AHCYL2: variants seen among roughly 807,000 people sequenced by gnomAD.
The protein encoded by AHCYL2 is S-adenosylhomocysteine hydrolase-like protein 2.
AHCYL2 carries 28 observed loss-of-function variants against 81.4 expected under a neutral mutation model. The observed-to-expected ratio is 0.34, with a 90% CI of 0.25 to 0.47. The LOEUF (loss-of-function observed/expected upper bound fraction) is 0.47. Ranked by LOEUF, AHCYL2 falls within the 20% of genes least tolerant of loss-of-function variation. The pLI is 1.00. For missense variants in AHCYL2, 551 were observed against 785.1 expected, an observed-to-expected ratio of 0.70 and a Z score of 3.56; for synonymous variants, 272 against 290.2, an observed-to-expected ratio of 0.94 and a Z score of 0.64.
intron 1 of AHCYL2, among the ~76,000 whole-genome samples, chr7:129,282,776 T>A (rs1469733325): frequency 6.6e-6 from 1 of 152,182 alleles, no homozygotes. Context: ...TGGATTTTTT[T>A]TTTATTTGTT....
At chr7:129,324,401 G>C (rs1798145563) in intron 1 of AHCYL2, among the ~76,000 whole-genome samples, 1 of 151,968 alleles carries the variant, frequency 6.6e-6, no homozygotes, top group Admixed American at 6.6e-5. Context: ...CTGCCATCTT[G>C]CTGTTTGTTT....
At chr7:129,411,988 A>G (rs995111759) in intron 11 of AHCYL2, among the ~76,000 whole-genome samples, 4 of 152,156 alleles carry the variant, frequency 2.6e-5, no homozygotes, top group African/African-American at 9.7e-5. Flanking sequence ...TTATGTGGAC[A>G]TATTTTTTCA....
At chr7:129,413,753 T>G in intron 12 of AHCYL2, 65 bp downstream of exon 12, 1 of 1,370,134 alleles carries the variant, frequency 7.3e-7, no homozygotes, top group Non-Finnish European at 1.0e-6. Flanking sequence ...AACTGGAAAA[T>G]GAGAGAGCAG....
intron 1 of AHCYL2, among the ~76,000 whole-genome samples, chr7:129,297,923 G>A (rs923839962): frequency 6.6e-6 from 1 of 152,290 alleles, no homozygotes; most frequent in South Asian, 2.1e-4. Flanking sequence ...CAGCTACTCA[G>A]GAGTCTTAGG....
At chr7:129,301,926 A>C (rs531353782) in intron 1 of AHCYL2, among the ~76,000 whole-genome samples, 3 of 151,764 alleles carry the variant, frequency 2.0e-5, no homozygotes, top group Non-Finnish European at 2.9e-5. Flanking sequence ...GAATCTATAG[A>C]TTCAGTGCAA....
intron 2 of AHCYL2, among the ~76,000 whole-genome samples, chr7:129,387,379 G>C (rs547537229): frequency 6.6e-6 from 1 of 152,220 alleles, no homozygotes; most frequent in South Asian, 2.1e-4. Flanking sequence ...TCTTTCAAAC[G>C]GATCAGCTCC....
At chr7:129,262,733 G>A (rs997702679) in intron 1 of AHCYL2, among the ~76,000 whole-genome samples, 1 of 152,178 alleles carries the variant, frequency 6.6e-6, no homozygotes, top group Non-Finnish European at 1.5e-5. Flanking sequence ...TCATGGCTGG[G>A]AACTCAGATT....
intron 1 of AHCYL2, among the ~76,000 whole-genome samples, chr7:129,296,573 A>G (rs1797057576): frequency 6.6e-6 from 1 of 152,114 alleles, no homozygotes. Flanking sequence ...TTAGTTGGGC[A>G]TGTAACACAT....
At chr7:129,364,613 AATT>A (rs1307599446) in intron 1 of AHCYL2, among the ~76,000 whole-genome samples, 2 of 151,832 alleles carry the variant, frequency 1.3e-5, no homozygotes, top group Non-Finnish European at 2.9e-5. Context: ...TCTTTTTTAA[AATT>A]ATTATTGTTA....
intron 1 of AHCYL2, among the ~76,000 whole-genome samples, chr7:129,250,428 G>GT (rs1330372842): frequency 7.9e-5 from 12 of 152,184 alleles, no homozygotes; most frequent in Admixed American, 7.9e-4. Flanking sequence ...TGTGTATTTA[G>GT]TTTTTTGAAG....
At chr7:129,246,981 TAGATTATATCATCTTTTA>T (rs1412384316) in intron 1 of AHCYL2, among the ~76,000 whole-genome samples, 1 of 152,242 alleles carries the variant, frequency 6.6e-6, no homozygotes, top group African/African-American at 2.4e-5. Context: ...GATGGACATT[TAGATTATATCATCTTTTA>T]GCTATTTTGA....
At position 129,264,135 on chromosome 7, in the gene AHCYL2, C is replaced by T. The variant is rs576489899; in HGVS notation, c.363+38696C>T. Among the ~76,000 whole-genome samples the T allele has an allele frequency of 4.6e-5, 7 of 152,356 alleles. No individual in the cohort carries two copies. In the South Asian group the frequency reaches 1.4e-3, roughly 32 times the overall value. Reference sequence around the variant, plus strand: ...CTCCTGGCTTCACACCATTCTCCTGCTTCAGCCTCCTAAGTAGCTGGGACT... The same window carrying T: ...CTCCTGGCTTCACACCATTCTCCTGTTTCAGCCTCCTAAGTAGCTGGGACT... On this transcript the variant is annotated intron_variant, in intron 1 of 16. Transcript: ENST00000325006.
intron 1 of AHCYL2, among the ~76,000 whole-genome samples, chr7:129,238,284 C>T (rs969689800): frequency 6.6e-6 from 1 of 152,090 alleles, no homozygotes; most frequent in African/African-American, 2.4e-5. Flanking sequence ...ATTGTACTAC[C>T]TTAATTCATG....
intron 1 of AHCYL2, among the ~76,000 whole-genome samples, chr7:129,349,508 C>A (rs898118617): frequency 6.7e-6 from 1 of 148,184 alleles, no homozygotes; most frequent in Non-Finnish European, 1.5e-5. Flanking sequence ...ATTAGCCAGG[C>A]GTGGTGGCAC....
intron 5 of AHCYL2, among the ~76,000 whole-genome samples, chr7:129,398,306 C>A (rs545495851): frequency 1.8e-4 from 28 of 151,594 alleles, no homozygotes; most frequent in African/African-American, 6.3e-4. Flanking sequence ...CCACCATGCC[C>A]AGCCCATTTC....
intron 1 of AHCYL2, among the ~76,000 whole-genome samples, chr7:129,333,031 A>G (rs1798474719): frequency 6.6e-6 from 1 of 152,190 alleles, no homozygotes; most frequent in Non-Finnish European, 1.5e-5. Context: ...CATGTTGGAA[A>G]TGGTTACTAT....
intron 1 of AHCYL2, chr7:129,375,889 A>G (rs1794660724): frequency 3.9e-6 from 6 of 1,536,096 alleles, no homozygotes; most frequent in Non-Finnish European, 4.4e-6. Flanking sequence ...AGCAAGAAGA[A>G]ATACATTGTT....
intron 1 of AHCYL2, among the ~76,000 whole-genome samples, chr7:129,291,706 C>T (rs929674526): frequency 1.3e-4 from 2 of 15,956 alleles, no homozygotes; most frequent in Non-Finnish European, 6.0e-3. Flanking sequence ...AGGTTCACGC[C>T]GTTCTTCGCC....
chr7:129,412,153 G>C (rs1796611862), intron 11 of AHCYL2, among the ~76,000 whole-genome samples: 1 of 152,028 alleles, frequency 6.6e-6, no homozygotes, highest in Admixed American at 6.5e-5. Context: ...GTTCAGACCA[G>C]CCTGGGCAAC....
Sources: gnomAD v4.1 joint callset for allele counts (sites outside exome capture counted in the v4.1 genomes callset) on GRCh38, gnomAD v4.1.1 for gene constraint, MANE v1.5 for transcripts, NCBI Gene and HGNC (gene_info 2026-07-23, HGNC 2026-07-21) for gene names.